SH3TC2: variants seen among roughly 807,000 people sequenced by gnomAD.
SH3TC2 encodes the protein SH3 domain and tetratricopeptide repeats 2.
In SH3TC2, 87 loss-of-function variants were observed where a neutral mutation model predicts 124.5. The ratio of observed to expected loss-of-function variants is 0.70; its 90% confidence interval spans 0.59 to 0.84. The LOEUF (loss-of-function observed/expected upper bound fraction) is 0.84, where lower values mean the gene tolerates loss of function less well. SH3TC2 is among the 40% of genes least tolerant of loss of function. The probability of loss-of-function intolerance (pLI) is 0.00; values close to 1 mark genes in which losing one functional copy is unlikely to be tolerated. For synonymous variants in SH3TC2, 634 were observed against 628.5 expected (o/e 1.01, Z -0.13); for missense variants, 1,536 against 1,566.4 (o/e 0.98, Z 0.33).
chr5:149,061,565 T>C (rs36044), intron 1 of SH3TC2, among the ~76,000 whole-genome samples: 37,985 of 152,122 alleles, frequency 0.25, 5,430 homozygotes, highest in African/African-American at 0.37. Context: ...GACATAATCA[T>C]GTCATAAAAG....
intron 4 of SH3TC2, chr5:149,043,760 C>A (rs1172340879): frequency 1.3e-5 from 2 of 151,604 alleles, no homozygotes; most frequent in African/African-American, 2.4e-5. Context: ...GTGTGGAGAT[C>A]AGATCTCCAG....
intron 9 of SH3TC2, among the ~76,000 whole-genome samples, chr5:149,030,625 C>T (rs1754174664): frequency 6.6e-6 from 1 of 152,264 alleles, no homozygotes; most frequent in Non-Finnish European, 1.5e-5. Context: ...TCTGCTAGGG[C>T]AGGGTGCTTA....
Position 149,007,540 on chromosome 5 carries a change from C to A in SH3TC2, c.3479-463G>T, listed in dbSNP as rs1001709321. The A allele has an allele frequency of 3.5e-5, 9 of 256,026 alleles. No homozygotes were observed. The Admixed American group carries it at 3.5e-4, about 10-fold the overall frequency. 15.9% of individuals were successfully genotyped at this position (256,026 alleles called of 1,614,324 possible). ...CTCTGTATAATAAATGTCTTCCTCA[C>A]ACAAAAGTCTCTCTCTTCAGAGAAT... On this transcript the variant is annotated intron_variant, in intron 15 of 16. Transcript: ENST00000515425.
intron 1 of SH3TC2, chr5:149,062,443 G>A (rs1754769496): frequency 2.0e-6 from 1 of 503,302 alleles, no homozygotes; most frequent in African/African-American, 2.0e-5. Flanking sequence ...ATTTCTTAGA[G>A]CAACAACTCT....
intron 14 of SH3TC2, among the ~76,000 whole-genome samples, chr5:149,009,270 C>A (rs566532725): frequency 1.3e-5 from 2 of 152,198 alleles, no homozygotes; most frequent in South Asian, 4.1e-4. Context: ...AGGGAAGCGG[C>A]TTTTCCCAAG....
chr5:149,050,988 G>A (rs1304403639), intron 2 of SH3TC2, among the ~76,000 whole-genome samples: 1 of 152,100 alleles, frequency 6.6e-6, no homozygotes, highest in Non-Finnish European at 1.5e-5. Flanking sequence ...TGGAGATTTG[G>A]GTGCTTCCAC....
intron 3 of SH3TC2, chr5:149,044,839 T>C (rs1754430756): frequency 1.8e-6 from 1 of 544,440 alleles, no homozygotes; most frequent in Admixed American, 3.0e-5. Context: ...TGAAATATTG[T>C]ATTATGCAGC....
intron 12 of SH3TC2, among the ~76,000 whole-genome samples, chr5:149,025,338 G>A (rs572915744): frequency 1.3e-5 from 2 of 152,262 alleles, no homozygotes; most frequent in South Asian, 4.1e-4. Context: ...AAAGAGAAGG[G>A]GGAGTGGAAT....
rs1405874410 is a variant in SH3TC2 at position 148,990,825 on chromosome 5, GC to G, written c.*13885del. On this transcript the variant is annotated 3_prime_UTR_variant, in exon 17 of 17. Transcript: ENST00000515425. ...ATATTAAATATTTGCAATAAGCAAG[GC>G]CCTGAGTTAAGTATTCTAAGTACAT... Among the ~76,000 whole-genome samples the G allele has an allele frequency of 5.9e-5, 9 of 152,074 alleles. No individual in the cohort carries two copies. Among genetic ancestry groups the G allele is most frequent in the Non-Finnish European group, 1.3e-4 (9 of 68,014 alleles).
chr5:149,005,669 C>T lies in SH3TC2; in HGVS notation c.3676-767G>A, dbSNP rs369665382. Among the ~76,000 whole-genome samples, 11 of 152,250 alleles carry T rather than the reference C, an allele frequency of 7.2e-5. 1 individual carries two copies. Among genetic ancestry groups the T allele is most frequent in the African/African-American group, 2.6e-4 (11 of 41,548 alleles). On this transcript the variant is annotated intron_variant, in intron 16 of 16. Coordinates refer to ENST00000515425, the MANE Select transcript of SH3TC2 (RefSeq NM_024577.4). ...ACATGGTAAAGATGAGAAACAGATG[C>T]TTCTTTGGGTGAGACTCAAAAAGGC...
In SH3TC2 at chr5:149,001,821, C is replaced by T. The variant is rs113821810; in HGVS notation, c.*2890G>A. On this transcript the variant is annotated 3_prime_UTR_variant, in exon 17 of 17. Coordinates refer to ENST00000515425, the MANE Select transcript of SH3TC2 (RefSeq NM_024577.4). ...ATTGGGAAATTTTAGCTAAAATTTCCAAGGAGATGTAACATGGATAGAAAC... is the reference window on the plus strand; with the variant it reads ...ATTGGGAAATTTTAGCTAAAATTTCTAAGGAGATGTAACATGGATAGAAAC... The T allele has an allele frequency of 2.6e-5, 4 of 151,982 alleles. No homozygotes were observed. The highest frequency in any genetic ancestry group is 9.7e-5 in the African/African-American group (4 of 41,436). The allele number at this position is 151,982 out of a possible 1,614,324, so 9.4% of individuals were successfully genotyped here.
chr5:149,028,648 A>C (rs752176225), intron 10 of SH3TC2, 29 bp downstream of exon 10: 10 of 1,614,050 alleles, frequency 6.2e-6, no homozygotes, highest in South Asian at 1.1e-5. Context: ...TCAAGGATGA[A>C]TGTCAGGTTC....
At chr5:149,010,074 T>C (rs1753757815) in intron 14 of SH3TC2, among the ~76,000 whole-genome samples, 196 bp downstream of exon 14, 1 of 152,144 alleles carries the variant, frequency 6.6e-6, no homozygotes, top group Non-Finnish European at 1.5e-5. Context: ...AGCCTGAGAA[T>C]GACTAAGTTT....
chr5:149,020,405 G>A (rs896929146), intron 12 of SH3TC2, among the ~76,000 whole-genome samples: 1 of 151,966 alleles, frequency 6.6e-6, no homozygotes, highest in African/African-American at 2.4e-5. Context: ...ATGCAGTAAT[G>A]GAGAAATAGA....
At chr5:149,017,360 TGA>T (rs1457088107) in intron 12 of SH3TC2, among the ~76,000 whole-genome samples, 1 of 152,136 alleles carries the variant, frequency 6.6e-6, no homozygotes, top group Non-Finnish European at 1.5e-5. Flanking sequence ...TCCCTCCCAT[TGA>T]GAGACTGCAA....
At chr5:149,014,434 T>C (rs1034281805) in intron 12 of SH3TC2, among the ~76,000 whole-genome samples, 3 of 152,198 alleles carry the variant, frequency 2.0e-5, no homozygotes, top group Non-Finnish European at 4.4e-5. Context: ...CACTTGATTA[T>C]GGACCTCTCA....
At chr5:149,044,346 G>A in intron 4 of SH3TC2, 187 bp downstream of exon 4, 1 of 569,008 alleles carries the variant, frequency 1.8e-6, no homozygotes, top group Non-Finnish European at 3.1e-6. Flanking sequence ...CGGCATTTTA[G>A]AATAATAGTT....
In SH3TC2 at chr5:148,988,431, T is replaced by C. The variant is rs1753368821; in HGVS notation, c.*16280A>G. ...CAATAAAATATAGCAGATGTGACAC[T>C]GTGTGACTTCTGAGGCCAGGTCATA... On this transcript the variant is annotated 3_prime_UTR_variant, in exon 17 of 17. Coordinates refer to ENST00000515425, the MANE Select transcript of SH3TC2 (RefSeq NM_024577.4). 6.6e-6 allele frequency among the ~76,000 whole-genome samples: 1 copy of C among 152,204 alleles called. No homozygotes were observed. Among genetic ancestry groups the C allele is most frequent in the Admixed American group, 6.5e-5 (1 of 15,284 alleles).
Position 148,989,429 on chromosome 5 carries a change from A to G in SH3TC2, c.*15282T>C, listed in dbSNP as rs1173507498. Among the ~76,000 whole-genome samples, 3 of 152,230 alleles carry G rather than the reference A, an allele frequency of 2.0e-5. No individual in the cohort carries two copies. Among genetic ancestry groups the G allele is most frequent in the Non-Finnish European group, 4.4e-5 (3 of 68,034 alleles). ...AACCTAGGTCTACCTTAACCAGCAT[A>G]AATATGGCTGAGGAATATCTGAATT... On this transcript the variant is annotated 3_prime_UTR_variant, in exon 17 of 17. Transcript: ENST00000515425.
Sources: allele counts gnomAD v4.1 joint callset (sites outside exome capture counted in the v4.1 genomes callset), GRCh38; gene constraint gnomAD v4.1.1; transcripts MANE v1.5; gene names NCBI Gene and HGNC (gene_info 2026-07-23, HGNC 2026-07-21).